The following NMNAT1 variants were observed in gnomAD, a reference collection of about 807,000 sequenced individuals.
NMNAT1 encodes the protein nicotinamide nucleotide adenylyltransferase 1.
NMNAT1 carries 11 observed loss-of-function variants against 16.7 expected under a neutral mutation model. The ratio of observed to expected loss-of-function variants is 0.66; its 90% CI spans 0.41 to 1.09. The LOEUF (loss-of-function observed/expected upper bound fraction) is 1.09. NMNAT1 is among the 50% of genes least tolerant of loss of function. The pLI, the probability that NMNAT1 is intolerant of heterozygous loss-of-function variation, is 0.00. For missense variants in NMNAT1, 280 were observed against 332.3 expected (o/e 0.84, Z 1.22); for synonymous variants, 110 against 119.8 (o/e 0.92, Z 0.53).
intron 1 of NMNAT1, among the ~76,000 whole-genome samples, chr1:9,963,720 T>C (rs967651615): frequency 1.3e-5 from 2 of 151,968 alleles, no homozygotes; most frequent in Non-Finnish European, 2.9e-5. Context: ...ATTATTTCTT[T>C]TTTGAGATGT....
intron 1 of NMNAT1, among the ~76,000 whole-genome samples, chr1:9,944,446 T>A (rs1400106337): frequency 1.3e-5 from 2 of 152,158 alleles, no homozygotes; most frequent in Admixed American, 6.6e-5. Flanking sequence ...TCTTAGTCCA[T>A]CTTCCTGAAG....
At position 9,954,929 on chromosome 1, in the gene NMNAT1, C is replaced by CA. The variant is rs70998330; in HGVS notation, c.-57+11428dup. ...CTGGCAACAGAGCAAGACTCCATCT[C>CA]AAAAAAAAAAAAAAGGAATTTATGT... is the stretch of plus-strand genomic sequence containing the variant. On this transcript the variant is annotated intron_variant, in intron 1 of 4. Coordinates refer to ENST00000377205, the MANE Select transcript of NMNAT1 (RefSeq NM_022787.4). Among the ~76,000 whole-genome samples, 372 of 138,360 alleles carry CA rather than the reference C, an allele frequency of 2.7e-3. 4 individuals are homozygous for CA. The highest frequency in any genetic ancestry group is 8.8e-3 in the African/African-American group (311 of 35,382). The allele number at this position is 138,360 out of a possible 152,430, so 90.8% of individuals were successfully genotyped here.
intron 3 of NMNAT1, among the ~76,000 whole-genome samples, chr1:9,978,162 C>T (rs1191979222): frequency 2.6e-5 from 4 of 152,066 alleles, no homozygotes; most frequent in Non-Finnish European, 4.4e-5. Flanking sequence ...ATCGAGACCA[C>T]CCTGGCCAAC....
chr1:9,968,351 C>T (rs1453127767), intron 1 of NMNAT1, among the ~76,000 whole-genome samples: 2 of 151,164 alleles, frequency 1.3e-5, no homozygotes, highest in African/African-American at 2.4e-5. Flanking sequence ...GGATTACAGG[C>T]GTGAGCCGCC....
chr1:9,981,058 T>C lies in NMNAT1; in HGVS notation c.327T>C (p.Ser109=). The change falls in exon 4 of 5, where the codon AGT becomes AGC. Residue 109 remains serine, a synonymous_variant. Transcript: ENST00000377205. ...LRHHQEKLEA[S]DCDHQQNSPT... is the part of the protein sequence containing the mutation. Reference sequence around the variant, plus strand: ...ACCATCAAGAGAAATTGGAGGCTAGTGACTGTGATCACCAGCAGAACTCAC... The same window carrying C: ...ACCATCAAGAGAAATTGGAGGCTAGCGACTGTGATCACCAGCAGAACTCAC... 6.2e-7 allele frequency: 1 copy of C among 1,610,788 alleles called. No individual in the cohort carries two copies. Among genetic ancestry groups the C allele is most frequent in the Admixed American group, 1.7e-5 (1 of 58,798 alleles).
intron 1 of NMNAT1, among the ~76,000 whole-genome samples, chr1:9,962,827 G>A (rs1235701549): frequency 2.6e-5 from 4 of 151,840 alleles, no homozygotes; most frequent in African/African-American, 9.7e-5. Flanking sequence ...GACTACAGGT[G>A]CCTGCCAACA....
chr1:9,968,982 G>A (rs896287467), intron 1 of NMNAT1, among the ~76,000 whole-genome samples: 1 of 151,146 alleles, frequency 6.6e-6, no homozygotes, highest in Admixed American at 6.6e-5. Flanking sequence ...TGGCACAAAA[G>A]GAAGGTTAAG....
intron 1 of NMNAT1, among the ~76,000 whole-genome samples, 155 bp downstream of exon 1, chr1:9,943,670 T>G (rs1481669981): frequency 1.3e-5 from 2 of 152,184 alleles, no homozygotes; most frequent in African/African-American, 2.4e-5. Flanking sequence ...TGACCCTTAA[T>G]TTTTTCAGTG....
At chr1:9,948,344 G>A (rs1382907532) in intron 1 of NMNAT1, among the ~76,000 whole-genome samples, 1 of 152,168 alleles carries the variant, frequency 6.6e-6, no homozygotes, top group East Asian at 1.9e-4. Flanking sequence ...GGAGGTTAAG[G>A]TGGGCGGATT....
At chr1:9,993,157 TGA>T in the NMNAT1 span, among the ~76,000 whole-genome samples, 1 of 151,838 alleles carries the variant, frequency 6.6e-6, no homozygotes, top group East Asian at 1.9e-4. Flanking sequence ...AACCTAACCA[TGA>T]GAGAGAGTGC....
At chr1:9,973,015 A>C (rs1641722846) in intron 2 of NMNAT1, among the ~76,000 whole-genome samples, 1 of 152,230 alleles carries the variant, frequency 6.6e-6, no homozygotes, top group Admixed American at 6.5e-5. Context: ...AATCTTCTTT[A>C]GGAGTTTCCC....
intron 1 of NMNAT1, among the ~76,000 whole-genome samples, chr1:9,968,081 T>TTTTTTTTTTTTG (rs1378331933): frequency 4.2e-5 from 2 of 47,778 alleles, no homozygotes; most frequent in South Asian, 6.1e-4. Context: ...TTTTTTTTTG[T>TTTTTTTTTTTTG]TTTTTTTTGA....
chr1:9,986,973 G>A (rs1642052357), downstream of NMNAT1, among the ~76,000 whole-genome samples: 1 of 151,832 alleles, frequency 6.6e-6, no homozygotes. Context: ...AAGGTGGGTG[G>A]ATCACCTGAG....
At chr1:9,944,381 AC>A (rs1203971065) in intron 1 of NMNAT1, among the ~76,000 whole-genome samples, 1 of 152,186 alleles carries the variant, frequency 6.6e-6, no homozygotes, top group Non-Finnish European at 1.5e-5. Context: ...GACCCTCATA[AC>A]AAAAAATTAA....
rs184588754 is a variant in NMNAT1 at position 9,970,430 on chromosome 1, C to G, written c.-56-1588C>G. 3.0e-4 allele frequency among the ~76,000 whole-genome samples: 46 copies of G among 152,174 alleles called. 1 individual carries two copies. The highest frequency in any genetic ancestry group is 1.1e-3 in the African/African-American group (45 of 41,526). On this transcript the variant is annotated intron_variant, in intron 1 of 4. Transcript: ENST00000377205. ...AAATTTTAGGCCAGGCGCAGTGGCT[C>G]ACGCCTGTAATCCCAGCACTTTGGG... is the stretch of plus-strand genomic sequence containing the variant.
intron 3 of NMNAT1, 94 bp downstream of exon 3, chr1:9,975,869 A>T (rs1641795729): frequency 9.3e-7 from 1 of 1,074,676 alleles, no homozygotes; most frequent in Admixed American, 2.2e-5. Flanking sequence ...ATCTGTGAAC[A>T]TACAGATTTG....
At position 9,972,139 on chromosome 1, in the gene NMNAT1, C is replaced by T. The variant is rs767779616; in HGVS notation, c.66C>T (p.Asn22=). 1.9e-6 allele frequency: 3 copies of T among 1,612,870 alleles called. No individual in the cohort carries two copies. Among genetic ancestry groups the T allele is most frequent in the African/African-American group, 2.7e-5 (2 of 74,876 alleles). Residue 22 remains asparagine (N), a synonymous_variant, in exon 2 of 5, where the codon AAC becomes AAT. Coordinates refer to ENST00000377205, the MANE Select transcript of NMNAT1 (RefSeq NM_022787.4). The part of the protein sequence containing the change: ...LACGSFNPIT[N]MHLRLFELAK... Reference sequence around the variant, plus strand: ...GTGGTTCATTCAATCCCATCACCAACATGCACCTCAGGTTGTTTGAGCTGG... The same window carrying T: ...GTGGTTCATTCAATCCCATCACCAATATGCACCTCAGGTTGTTTGAGCTGG...
chr1:9,971,328 T>G (rs1449292598), intron 1 of NMNAT1, among the ~76,000 whole-genome samples: 2 of 151,896 alleles, frequency 1.3e-5, no homozygotes, highest in Non-Finnish European at 2.9e-5. Context: ...TTTTTTTTTC[T>G]TTTTGAGATG....
intron 3 of NMNAT1, among the ~76,000 whole-genome samples, chr1:9,980,278 G>C (rs149990960): frequency 6.6e-6 from 1 of 152,022 alleles, no homozygotes; most frequent in Admixed American, 6.6e-5. Context: ...GTCATCTTAT[G>C]TTGAGAAGAC....
Sources: allele counts gnomAD v4.1 joint callset (sites outside exome capture counted in the v4.1 genomes callset), GRCh38; gene constraint gnomAD v4.1.1; transcripts MANE v1.5; gene names NCBI Gene and HGNC (gene_info 2026-07-23, HGNC 2026-07-21).